NELL1: variants seen among roughly 807,000 people sequenced by gnomAD.
NELL1 encodes neural EGFL like 1.
In NELL1, 76 loss-of-function variants were observed where a neutral mutation model predicts 107.4. The ratio of observed to expected loss-of-function variants is 0.71; its 90% CI spans 0.59 to 0.86. NELL1 has a LOEUF of 0.86. Among genes scored for constraint, NELL1 ranks in the 40% least tolerant of loss-of-function variants. The pLI is 0.00. For synonymous variants in NELL1, 353 were observed against 341.2 expected (o/e 1.03, Z -0.38); for missense variants, 1,024 against 1,005.5 (o/e 1.02, Z -0.25).
intron 15 of NELL1, among the ~76,000 whole-genome samples, chr11:21,516,450 A>T (rs1351092806): frequency 6.6e-6 from 1 of 152,104 alleles, no homozygotes; most frequent in East Asian, 1.9e-4. Flanking sequence ...ATTTTAAGAA[A>T]TGCATCATTA....
chr11:21,410,632 T>C (rs1185602416), intron 15 of NELL1, among the ~76,000 whole-genome samples: 1 of 152,110 alleles, frequency 6.6e-6, no homozygotes, highest in Non-Finnish European at 1.5e-5. Flanking sequence ...GGTATCTTTA[T>C]TGAGATTTTC....
Position 21,006,037 on chromosome 11 carries a change from T to TGG in NELL1, c.1300+45485_1300+45486dup, listed in dbSNP as rs200663974. On this transcript the variant is annotated intron_variant, in intron 12 of 19. Coordinates refer to ENST00000357134, the MANE Select transcript of NELL1 (RefSeq NM_006157.5). ...GATATAATTGATAATTTCATAGATT[T>TGG]GGGGGGGGGAGTGGGAAATTAAATG... 4.7e-4 allele frequency among the ~76,000 whole-genome samples: 70 copies of TGG among 149,862 alleles called. 1 individual carries two copies. Among genetic ancestry groups the TGG allele is most frequent in the African/African-American group, 1.7e-3 (70 of 40,936 alleles).
chr11:21,330,029 T>G (rs898630109), intron 14 of NELL1, among the ~76,000 whole-genome samples: 8 of 152,096 alleles, frequency 5.3e-5, no homozygotes, highest in African/African-American at 1.9e-4. Context: ...CATAGTAAAC[T>G]TCTTATTTAC....
chr11:20,871,136 G>A (rs1159580077), intron 4 of NELL1, among the ~76,000 whole-genome samples: 1 of 152,102 alleles, frequency 6.6e-6, no homozygotes, highest in Non-Finnish European at 1.5e-5. Context: ...AGCTAATACT[G>A]TGCTATGCCC....
chr11:20,913,218 C>T (rs1328948568), intron 5 of NELL1, among the ~76,000 whole-genome samples: 1 of 152,094 alleles, frequency 6.6e-6, no homozygotes, highest in Non-Finnish European at 1.5e-5. Context: ...TATTTACATG[C>T]CCAGCAGGAA....
intron 13 of NELL1, among the ~76,000 whole-genome samples, chr11:21,155,919 G>A (rs1856221425): frequency 6.6e-6 from 1 of 152,166 alleles, no homozygotes; most frequent in Non-Finnish European, 1.5e-5. Flanking sequence ...TGAAGACCAA[G>A]GAAAGACTTG....
chr11:21,153,061 T>C (rs926681583), intron 13 of NELL1, among the ~76,000 whole-genome samples: 2 of 152,240 alleles, frequency 1.3e-5, no homozygotes, highest in African/African-American at 4.8e-5. Context: ...TTTATGCAGA[T>C]GGCATATAGC....
chr11:21,092,550 G>C (rs1223371096), intron 12 of NELL1, among the ~76,000 whole-genome samples: 1 of 152,132 alleles, frequency 6.6e-6, no homozygotes, highest in South Asian at 2.1e-4. Flanking sequence ...TGATGATGAT[G>C]ATAATATATG....
chr11:20,825,715 A>C (rs1424189741), intron 3 of NELL1, among the ~76,000 whole-genome samples: 1 of 151,280 alleles, frequency 6.6e-6, no homozygotes, highest in Non-Finnish European at 1.5e-5. Flanking sequence ...AGGAACTTAC[A>C]TTATCTCAGA....
intron 12 of NELL1, among the ~76,000 whole-genome samples, chr11:21,084,727 T>C (rs188141716): frequency 4.6e-5 from 7 of 152,234 alleles, no homozygotes; most frequent in African/African-American, 1.7e-4. Flanking sequence ...TTTGTCTTGA[T>C]AGCGCAACCA....
At chr11:21,103,732 A>T (rs1022004923) in intron 12 of NELL1, among the ~76,000 whole-genome samples, 1 of 152,190 alleles carries the variant, frequency 6.6e-6, no homozygotes, top group African/African-American at 2.4e-5. Flanking sequence ...GTAGCTAGCT[A>T]ATGGAATCAG....
At chr11:20,737,169 C>T (rs1261544389) in intron 2 of NELL1, among the ~76,000 whole-genome samples, 3 of 152,066 alleles carry the variant, frequency 2.0e-5, no homozygotes, top group African/African-American at 7.2e-5. Context: ...CATTCTAGAG[C>T]TCACATAGGC....
intron 14 of NELL1, among the ~76,000 whole-genome samples, chr11:21,281,294 G>C (rs189589734): frequency 1.6e-3 from 248 of 152,202 alleles, no homozygotes; most frequent in Non-Finnish European, 3.1e-3. Flanking sequence ...TATGGTAATA[G>C]TGGCTGTGAG....
At chr11:20,919,386 T>A in intron 7 of NELL1, 52 bp downstream of exon 7, 2 of 1,142,902 alleles carry the variant, frequency 1.7e-6, no homozygotes, top group Non-Finnish European at 2.6e-6. Flanking sequence ...CTGTCCTATC[T>A]GGAATTTGGA....
chr11:20,920,954 A>G (rs1369823872), intron 7 of NELL1, among the ~76,000 whole-genome samples: 1 of 151,930 alleles, frequency 6.6e-6, no homozygotes, highest in Non-Finnish European at 1.5e-5. Flanking sequence ...TTCCTTCCAA[A>G]CAGTATATAG....
chr11:20,773,961 C>CT (rs1009098174), intron 2 of NELL1, among the ~76,000 whole-genome samples: 7 of 151,858 alleles, frequency 4.6e-5, no homozygotes, highest in Admixed American at 1.3e-4. Context: ...TAAACATGAC[C>CT]TTTTTTTCCC....
At chr11:20,824,070 G>A (rs1400682089) in intron 3 of NELL1, among the ~76,000 whole-genome samples, 1 of 151,158 alleles carries the variant, frequency 6.6e-6, no homozygotes, top group Non-Finnish European at 1.5e-5. Flanking sequence ...GGGACCTGGT[G>A]GGAGGTGATT....
chr11:21,068,164 T>C (rs1170607433), intron 12 of NELL1, among the ~76,000 whole-genome samples: 1 of 152,004 alleles, frequency 6.6e-6, no homozygotes, highest in African/African-American at 2.4e-5. Context: ...CCTTTGGATG[T>C]ATCCTAGACC....
At chr11:20,923,640 A>T (rs1407659028) in intron 7 of NELL1, among the ~76,000 whole-genome samples, 1 of 152,166 alleles carries the variant, frequency 6.6e-6, no homozygotes, top group Non-Finnish European at 1.5e-5. Flanking sequence ...CTGTAATCCC[A>T]TTCTGACTTC....
Sources: allele counts gnomAD v4.1 joint callset (sites outside exome capture counted in the v4.1 genomes callset), GRCh38; gene constraint gnomAD v4.1.1; transcripts MANE v1.5; gene names NCBI Gene and HGNC (gene_info 2026-07-23, HGNC 2026-07-21).